RASAL2: variants seen among roughly 807,000 people sequenced by gnomAD.
RASAL2 encodes RAS protein activator like 2, also known as ras GTPase-activating protein nGAP.
Under a neutral mutation model 128.9 loss-of-function variants are expected in RASAL2, and 58 were observed. The ratio of observed to expected loss-of-function variants is 0.45; its 90% CI spans 0.36 to 0.56. RASAL2 has a LOEUF of 0.56. Ranked by LOEUF, RASAL2 falls within the 20% of genes least tolerant of loss-of-function variation. The pLI is 0.00. For synonymous variants in RASAL2, 561 were observed against 580.8 expected (o/e 0.97, Z 0.49); for missense variants, 1,360 against 1,601.6 (o/e 0.85, Z 2.57).
chr1:178,163,452 C>A (rs1298953318), intron 1 of RASAL2, among the ~76,000 whole-genome samples: 1 of 151,986 alleles, frequency 6.6e-6, no homozygotes, highest in Non-Finnish European at 1.5e-5. Flanking sequence ...ATATTTAGGT[C>A]TTTGATCCTG....
chr1:178,354,401 G>T (rs1006798808), intron 3 of RASAL2, among the ~76,000 whole-genome samples: 1 of 152,156 alleles, frequency 6.6e-6, no homozygotes, highest in African/African-American at 2.4e-5. Context: ...ATATGTAATG[G>T]TGAAAAGCTT....
chr1:178,283,716 G>A, intron 2 of RASAL2, 25 bp downstream of exon 2: 1 of 1,606,028 alleles, frequency 6.2e-7, no homozygotes, highest in Non-Finnish European at 8.5e-7. Flanking sequence ...ATTCAGGAAA[G>A]TTAGTTTCCT....
intron 1 of RASAL2, among the ~76,000 whole-genome samples, chr1:178,130,486 T>G (rs1326085951): frequency 2.6e-5 from 4 of 152,336 alleles, no homozygotes; most frequent in South Asian, 4.1e-4. Flanking sequence ...GTGGGAGAGA[T>G]AATTTATTCT....
At chr1:178,355,249 A>G (rs576271972) in intron 3 of RASAL2, among the ~76,000 whole-genome samples, 25 of 152,370 alleles carry the variant, frequency 1.6e-4, no homozygotes, top group African/African-American at 5.5e-4. Context: ...TTATAAAACT[A>G]TATTAATTGA....
chr1:178,146,578 G>A (rs576295191), intron 1 of RASAL2, among the ~76,000 whole-genome samples: 1 of 152,072 alleles, frequency 6.6e-6, no homozygotes, highest in East Asian at 1.9e-4. Flanking sequence ...ACATCTTCTT[G>A]TCTCATTCTA....
chr1:178,116,700 C>T (rs370569438), intron 1 of RASAL2, among the ~76,000 whole-genome samples: 4 of 152,292 alleles, frequency 2.6e-5, no homozygotes, highest in African/African-American at 9.6e-5. Flanking sequence ...ATCTTCACCT[C>T]CTGCGTTCAC....
At chr1:178,319,842 T>A (rs1668667281) in intron 3 of RASAL2, among the ~76,000 whole-genome samples, 1 of 152,272 alleles carries the variant, frequency 6.6e-6, no homozygotes, top group African/African-American at 2.4e-5. Flanking sequence ...GATGAGGAAC[T>A]GCGTTCCTTT....
chr1:178,332,001 C>A (rs1669344306), intron 3 of RASAL2, among the ~76,000 whole-genome samples: 1 of 152,094 alleles, frequency 6.6e-6, no homozygotes, highest in Non-Finnish European at 1.5e-5. Context: ...ATACTTTCAG[C>A]ATTATTCAAT....
At chr1:178,334,310 T>TA (rs1388636714) in intron 3 of RASAL2, among the ~76,000 whole-genome samples, 3 of 152,052 alleles carry the variant, frequency 2.0e-5, no homozygotes, top group Non-Finnish European at 4.4e-5. Context: ...TTATACTTGG[T>TA]AAAAAATCAT....
In RASAL2 at chr1:178,250,579, A is replaced by C. The variant is rs556066138; in HGVS notation, c.203-32985A>C. The stretch of plus-strand genomic sequence containing the variant: ...GCTTTAGCTGCCTTTCCAGGAGAGT[A>C]AACAGTGCTGTCTTGCTGGGGTTCC... On this transcript the variant is annotated intron_variant, in intron 1 of 17. Coordinates refer to ENST00000367649, the MANE Select transcript of RASAL2 (RefSeq NM_170692.4). Among the ~76,000 whole-genome samples, 4 of 152,218 alleles carry C rather than the reference A, an allele frequency of 2.6e-5. No homozygotes were observed. In the South Asian group the frequency reaches 8.3e-4, roughly 32 times the overall value.
intron 3 of RASAL2, among the ~76,000 whole-genome samples, chr1:178,355,127 GTCTTTCTCTCTT>G (rs1421627974): frequency 6.6e-6 from 1 of 152,128 alleles, no homozygotes; most frequent in African/African-American, 2.4e-5. Flanking sequence ...CTGTCTGTCT[GTCTTTCTCTCTT>G]TCTTTCTAGG....
intron 4 of RASAL2, among the ~76,000 whole-genome samples, chr1:178,397,009 A>G (rs1231310376): frequency 1.3e-5 from 2 of 152,194 alleles, no homozygotes; most frequent in Non-Finnish European, 2.9e-5. Context: ...AGAGACAATA[A>G]TAAGTATTGG....
intron 17 of RASAL2, among the ~76,000 whole-genome samples, chr1:178,468,595 G>A (rs1013815931): frequency 4.6e-5 from 7 of 152,226 alleles, no homozygotes; most frequent in African/African-American, 1.7e-4. Context: ...TCAGGTGAGA[G>A]TTGTGAGGAT....
At chr1:178,269,473 A>G (rs951363502) in intron 1 of RASAL2, among the ~76,000 whole-genome samples, 3 of 152,220 alleles carry the variant, frequency 2.0e-5, no homozygotes, top group Non-Finnish European at 2.9e-5. Flanking sequence ...GCATTCCCAG[A>G]TGGTTAAGGC....
In RASAL2 at chr1:178,094,643, C is replaced by G. The variant is rs1318329278; in HGVS notation, c.151C>G (p.Arg51Gly). The G allele has an allele frequency of 6.2e-7, 1 of 1,614,042 alleles. No individual in the cohort carries two copies. Among genetic ancestry groups the G allele is most frequent in the South Asian group, 1.1e-5 (1 of 91,060 alleles). ...AGCCGTCGCCGGTGGCATGTTGGAT[C>G]GGATCCTTCTGGAGTCCGTGTGCCA... Reference protein sequence around the residue: ...SGAVAGGMLDRILLESVCQQQ... With the variant: ...SGAVAGGMLDGILLESVCQQQ... The change falls in exon 1 of 18, where the codon CGG becomes GGG. Residue 51 changes from arginine (R) to glycine (G), a missense_variant. This residue lies in a region of RASAL2 where 617 missense variants were observed against 714.2 expected (regional missense o/e 0.86). Transcript: ENST00000367649.
intron 1 of RASAL2, among the ~76,000 whole-genome samples, chr1:178,135,608 A>G (rs1660295057): frequency 6.6e-6 from 1 of 152,106 alleles, no homozygotes; most frequent in Non-Finnish European, 1.5e-5. Flanking sequence ...TAGCAATTAT[A>G]TAAAGTATAG....
intron 1 of RASAL2, among the ~76,000 whole-genome samples, chr1:178,208,949 C>A (rs1663159190): frequency 2.6e-5 from 4 of 151,976 alleles, no homozygotes; most frequent in Admixed American, 2.6e-4. Context: ...ATATTGGGGG[C>A]AGGTTCCTCT....
intron 14 of RASAL2, among the ~76,000 whole-genome samples, chr1:178,459,255 C>G (rs1678002369): frequency 6.6e-6 from 1 of 152,060 alleles, no homozygotes; most frequent in Non-Finnish European, 1.5e-5. Flanking sequence ...AGAAACTAAT[C>G]ATTTCTTCCT....
intron 3 of RASAL2, among the ~76,000 whole-genome samples, chr1:178,317,986 T>C (rs1668569114): frequency 6.6e-6 from 1 of 150,746 alleles, no homozygotes; most frequent in African/African-American, 2.4e-5. Flanking sequence ...GATTCTGGTA[T>C]GTTGTGTCTT....
Sources: allele counts gnomAD v4.1 joint callset (sites outside exome capture counted in the v4.1 genomes callset), GRCh38; gene constraint gnomAD v4.1.1; regional missense constraint gnomAD v4.1.1; transcripts MANE v1.5; gene names NCBI Gene and HGNC (gene_info 2026-07-23, HGNC 2026-07-21).